Variants in GALNT15 observed in about 807,000 individuals in gnomAD.
GALNT15 encodes UDP-GalNAc transferase T15.
In GALNT15, 67 loss-of-function variants were observed where a neutral mutation model predicts 66.8. That is an observed-to-expected ratio of 1.00 (90% confidence interval 0.82 to 1.23). GALNT15 has a LOEUF of 1.23. Ranked by LOEUF, GALNT15 falls within the 50% of genes most tolerant of loss-of-function variation. The pLI is 0.00. For missense variants in GALNT15, 827 were observed against 804.3 expected (o/e 1.03, Z -0.34); for synonymous variants, 313 against 311.5 (o/e 1.00, Z -0.05).
chr3:16,227,418 A>G lies in GALNT15; in HGVS notation c.1838A>G (p.Lys613Arg), dbSNP rs1322308364. 4 of 1,614,038 alleles carry G rather than the reference A, an allele frequency of 2.5e-6. No individual in the cohort carries two copies. Among genetic ancestry groups the G allele is most frequent in the Non-Finnish European group, 3.4e-6 (4 of 1,180,032 alleles). ...CMEAVVQENN[K>R]DLYLRPCDGK... ...GAAGCTGTGGTGCAAGAAAACAATA[A>G]AGATTTGTACCTGCGTCCGTGTGAT... The change falls in exon 10 of 10, where the codon AAA (lysine) becomes AGA (arginine). Residue 613 changes from lysine to arginine, a missense_variant. Physicochemically the swap from Lys to Arg is conservative, Grantham distance 26. Transcript: ENST00000339732. The surrounding 1 kb of genome is among the most constrained non-coding windows in gnomAD (Gnocchi z 4.5).
downstream of GALNT15, among the ~76,000 whole-genome samples, chr3:16,235,582 G>C (rs181098493): frequency 6.6e-6 from 1 of 152,166 alleles, no homozygotes; most frequent in Non-Finnish European, 1.5e-5. Context: ...GATCAAGAAG[G>C]TATCTCTAGT....
intron 5 of GALNT15, among the ~76,000 whole-genome samples, chr3:16,212,239 G>C (rs1244072156): frequency 2.0e-5 from 3 of 152,012 alleles, no homozygotes; most frequent in Non-Finnish European, 4.4e-5. Flanking sequence ...GTGTCCTTTG[G>C]GGAATAGGGG....
At chr3:16,196,813 G>A (rs1391050327) in intron 2 of GALNT15, among the ~76,000 whole-genome samples, 1 of 152,204 alleles carries the variant, frequency 6.6e-6, no homozygotes, top group Non-Finnish European at 1.5e-5. Context: ...ATGACCTAGG[G>A]ACACCCCTCC....
At chr3:16,194,150 C>T (rs1307344526) in intron 1 of GALNT15, among the ~76,000 whole-genome samples, 2 of 152,194 alleles carry the variant, frequency 1.3e-5, no homozygotes, top group South Asian at 2.1e-4. Context: ...TCCCTTCCCT[C>T]GAAGCCTCCG....
chr3:16,220,585 A>C (rs1242455797), intron 8 of GALNT15, among the ~76,000 whole-genome samples: 1 of 152,222 alleles, frequency 6.6e-6, no homozygotes, highest in Non-Finnish European at 1.5e-5. Flanking sequence ...TCTTTTCACA[A>C]CTGGATCACA....
At chr3:16,192,200 C>T (rs752348389) in intron 1 of GALNT15, among the ~76,000 whole-genome samples, 10 of 152,148 alleles carry the variant, frequency 6.6e-5, no homozygotes, top group Admixed American at 3.9e-4. Flanking sequence ...ATACACCACA[C>T]GCACACACAC....
chr3:16,244,891 A>G, the GALNT15 span, among the ~76,000 whole-genome samples: 67 of 152,324 alleles, frequency 4.4e-4, no homozygotes, highest in Admixed American at 1.0e-3. Flanking sequence ...CCTGTATCAC[A>G]TGTCCTCAGG....
At chr3:16,194,477 T>A (rs2063611466) in intron 1 of GALNT15, among the ~76,000 whole-genome samples, 1 of 152,212 alleles carries the variant, frequency 6.6e-6, no homozygotes, top group African/African-American at 2.4e-5. Context: ...TTTCTCCAAT[T>A]TTGTAGGTTG....
chr3:16,196,120 C>T (rs1401312762), intron 2 of GALNT15, among the ~76,000 whole-genome samples, 194 bp downstream of exon 2: 1 of 152,098 alleles, frequency 6.6e-6, no homozygotes, highest in Non-Finnish European at 1.5e-5. Context: ...GTGGGGGCTG[C>T]AAGACAGAGA....
chr3:16,202,886 C>G (rs546833352), intron 3 of GALNT15, among the ~76,000 whole-genome samples: 3 of 152,366 alleles, frequency 2.0e-5, no homozygotes, highest in African/African-American at 7.2e-5. Flanking sequence ...AAAAAGACCC[C>G]TCAGGGTCAC....
intron 2 of GALNT15, among the ~76,000 whole-genome samples, chr3:16,196,248 C>G (rs911515605): frequency 1.3e-5 from 2 of 152,074 alleles, no homozygotes; most frequent in Non-Finnish European, 2.9e-5. Flanking sequence ...ATCCTCTCTC[C>G]AAGACACTGA....
chr3:16,196,974 C>T (rs1360189340), intron 2 of GALNT15, among the ~76,000 whole-genome samples: 1 of 152,210 alleles, frequency 6.6e-6, no homozygotes, highest in African/African-American at 2.4e-5. Context: ...CTGGCCATAG[C>T]AGTGAGTCAG....
Position 16,211,095 on chromosome 3 carries a change from G to T in GALNT15, c.1080-29G>T. 6.5e-7 allele frequency: 1 copy of T among 1,531,844 alleles called. No homozygotes were observed. Among genetic ancestry groups the T allele is most frequent in the South Asian group, 1.1e-5 (1 of 89,316 alleles). 94.9% of individuals were successfully genotyped at this position (1,531,844 alleles called of 1,614,324 possible). On this transcript the variant is annotated intron_variant, in intron 4 of 9. Transcript: ENST00000339732. This position sits in a 1 kb window ranked among gnomAD's most constrained non-coding sequence, Gnocchi z 4.3. ...CCTGCTGTGCTCTGGGTTCTGAACT[G>T]CAGTGTCCTGCCTGTCTTCTGTGTC...
chr3:16,230,210 G>A (rs1332135874), downstream of GALNT15, among the ~76,000 whole-genome samples: 1 of 152,164 alleles, frequency 6.6e-6, no homozygotes, highest in Non-Finnish European at 1.5e-5. This position sits in a 1 kb window ranked among gnomAD's most constrained non-coding sequence, Gnocchi z 4.5. Context: ...GGAGAACAGA[G>A]AGAAGTGTCC....
downstream of GALNT15, among the ~76,000 whole-genome samples, chr3:16,231,420 A>G (rs1684359784): frequency 6.6e-6 from 1 of 152,192 alleles, no homozygotes; most frequent in African/African-American, 2.4e-5. The surrounding 1 kb of genome is among the most constrained non-coding windows in gnomAD (Gnocchi z 4.1). Context: ...TGTCCTAAGC[A>G]TTGTTTTAAT....
chr3:16,217,555 C>T (rs1241606188), intron 6 of GALNT15, among the ~76,000 whole-genome samples: 3 of 152,268 alleles, frequency 2.0e-5, no homozygotes, highest in Non-Finnish European at 2.9e-5. Flanking sequence ...TCCATCCACC[C>T]CAAAACCCCC....
the GALNT15 span, among the ~76,000 whole-genome samples, chr3:16,237,271 T>C: frequency 6.6e-6 from 1 of 152,220 alleles, no homozygotes; most frequent in Non-Finnish European, 1.5e-5. This position sits in a 1 kb window ranked among gnomAD's most constrained non-coding sequence, Gnocchi z 4.2. Context: ...ACCTTACTCC[T>C]TGTGCTCTGA....
chr3:16,175,570 A>T lies in GALNT15; in HGVS notation c.419A>T (p.Asp140Val), dbSNP rs2063398316. The stretch of plus-strand genomic sequence containing the variant: ...AAGAGGGACTGGGGGGCTGATGAGG[A>T]CGGGGAGGTGTCTGAAGAAGAGGAG... ...APKRDWGADE[D>V]GEVSEEEELT... is the part of the protein sequence containing the mutation. The change falls in exon 1 of 10, where the codon GAC (aspartate) becomes GTC (valine). Residue 140 changes from aspartate (D) to valine (V), a missense_variant. Coordinates refer to ENST00000339732, the MANE Select transcript of GALNT15 (RefSeq NM_054110.5). The surrounding 1 kb of genome is among the most constrained non-coding windows in gnomAD (Gnocchi z 5.6). The T allele has an allele frequency of 1.2e-6, 2 of 1,613,882 alleles. No individual in the cohort carries two copies. The highest frequency in any genetic ancestry group is 1.7e-4 in the Middle Eastern group (1 of 6,058).
chr3:16,247,967 C>T, the GALNT15 span, among the ~76,000 whole-genome samples: 37 of 152,314 alleles, frequency 2.4e-4, no homozygotes, highest in African/African-American at 7.2e-4. Context: ...TGAACAGCTG[C>T]GGTCATTTGG....
Sources: allele counts gnomAD v4.1 joint callset (sites outside exome capture counted in the v4.1 genomes callset), GRCh38; gene constraint gnomAD v4.1.1; non-coding constraint Gnocchi (gnomAD v3.1); transcripts MANE v1.5; gene names NCBI Gene and HGNC (gene_info 2026-07-23, HGNC 2026-07-21).